The following GALNT13 variants were observed in gnomAD, a reference collection of about 807,000 sequenced individuals.
GALNT13 encodes UDP-GalNAc:polypeptide N-acetylgalactosaminyltransferase 13.
GALNT13 carries 28 observed loss-of-function variants against 64.2 expected under a neutral mutation model. The observed-to-expected ratio is 0.44, with a 90% CI of 0.32 to 0.60. The LOEUF is 0.60. GALNT13 is among the 20% of genes least tolerant of loss of function. GALNT13 has a pLI of 0.05. For missense variants in GALNT13, 577 were observed against 669.8 expected, an observed-to-expected ratio of 0.86 and a Z score of 1.53; for synonymous variants, 214 against 224.6, an observed-to-expected ratio of 0.95 and a Z score of 0.42.
chr2:153,248,264 G>A, the GALNT13 span, among the ~76,000 whole-genome samples: 1 of 152,082 alleles, frequency 6.6e-6, no homozygotes. Flanking sequence ...AACAAGAAAA[G>A]AAAATTTTAG....
chr2:154,291,640 C>A (rs115568829), intron 8 of GALNT13, among the ~76,000 whole-genome samples: 1 of 152,182 alleles, frequency 6.6e-6, no homozygotes, highest in Non-Finnish European at 1.5e-5. Context: ...GGCCGGCCCA[C>A]GGGTGCTGCG....
At chr2:154,355,079 C>T (rs1026862332) in intron 9 of GALNT13, among the ~76,000 whole-genome samples, 36 of 152,016 alleles carry the variant, frequency 2.4e-4, no homozygotes, top group African/African-American at 8.5e-4. Context: ...TACAAATGAC[C>T]TTAAGCTTTT....
At chr2:153,151,041 C>A in the GALNT13 span, among the ~76,000 whole-genome samples, 1 of 152,004 alleles carries the variant, frequency 6.6e-6, no homozygotes, top group Non-Finnish European at 1.5e-5. Context: ...GGCATTGAAT[C>A]TCTAAATTAC....
chr2:153,229,882 A>G, the GALNT13 span, among the ~76,000 whole-genome samples: 1 of 152,240 alleles, frequency 6.6e-6, no homozygotes, highest in Non-Finnish European at 1.5e-5. Flanking sequence ...GGAAGAGAGC[A>G]GAGAACATTG....
At chr2:154,262,706 A>G (rs552764003) in intron 8 of GALNT13, among the ~76,000 whole-genome samples, 7 of 152,300 alleles carry the variant, frequency 4.6e-5, no homozygotes, top group East Asian at 3.9e-4. Context: ...GATTTTGGAG[A>G]AAGAGACAGA....
chr2:153,575,679 G>C, the GALNT13 span, among the ~76,000 whole-genome samples: 1 of 152,262 alleles, frequency 6.6e-6, no homozygotes, highest in South Asian at 2.1e-4. Flanking sequence ...AGTACTGCCA[G>C]ACTACCACCA....
At chr2:153,774,858 T>G in the GALNT13 span, among the ~76,000 whole-genome samples, 2 of 152,146 alleles carry the variant, frequency 1.3e-5, no homozygotes, top group Non-Finnish European at 2.9e-5. Context: ...TGCAGTGAGC[T>G]ATCATTATGC....
the GALNT13 span, among the ~76,000 whole-genome samples, chr2:153,205,700 G>T: frequency 6.6e-6 from 1 of 151,984 alleles, no homozygotes; most frequent in Admixed American, 6.6e-5. Flanking sequence ...ACTAGGAGCT[G>T]CTTCATACAT....
intron 2 of GALNT13, among the ~76,000 whole-genome samples, chr2:153,910,999 T>C (rs1455566053): frequency 6.6e-6 from 1 of 152,216 alleles, no homozygotes; most frequent in African/African-American, 2.4e-5. Flanking sequence ...CTTGATGATC[T>C]GTCCAGTACT....
intron 10 of GALNT13, among the ~76,000 whole-genome samples, chr2:154,407,215 G>T (rs1481653510): frequency 6.6e-6 from 1 of 152,036 alleles, no homozygotes; most frequent in Non-Finnish European, 1.5e-5. Context: ...TAATCAGATT[G>T]CATACCTTAC....
chr2:153,300,305 G>A, the GALNT13 span, among the ~76,000 whole-genome samples: 7 of 152,148 alleles, frequency 4.6e-5, no homozygotes, highest in Non-Finnish European at 8.8e-5. Context: ...CCTTTAGAGG[G>A]AGTGTTTTTA....
intron 2 of GALNT13, among the ~76,000 whole-genome samples, chr2:153,929,795 G>A (rs566938364): frequency 4.6e-5 from 7 of 152,226 alleles, no homozygotes; most frequent in South Asian, 2.1e-4. Context: ...TGTGAGTAGT[G>A]CTGCAATGAA....
chr2:153,974,086 C>A (rs1265556880), intron 3 of GALNT13, among the ~76,000 whole-genome samples: 1 of 152,032 alleles, frequency 6.6e-6, no homozygotes, highest in African/African-American at 2.4e-5. Flanking sequence ...CCTTGATGTT[C>A]TTCCCCTACC....
chr2:154,254,007 A>G (rs1690230468), intron 7 of GALNT13, among the ~76,000 whole-genome samples: 1 of 152,202 alleles, frequency 6.6e-6, no homozygotes, highest in South Asian at 2.1e-4. Flanking sequence ...TTATAGAAGA[A>G]GGTGGAAGGG....
chr2:153,078,139 A>AT, the GALNT13 span, among the ~76,000 whole-genome samples: 4 of 149,256 alleles, frequency 2.7e-5, no homozygotes, highest in Middle Eastern at 3.4e-3. Context: ...TTTGGTTATT[A>AT]TTTTTTTTTA....
chr2:154,427,126 T>C (rs868311225), intron 11 of GALNT13, among the ~76,000 whole-genome samples: 37 of 152,222 alleles, frequency 2.4e-4, no homozygotes, highest in African/African-American at 8.4e-4. Context: ...AGAGCTTACA[T>C]GAATTTGGCT....
At chr2:153,741,454 C>T in the GALNT13 span, among the ~76,000 whole-genome samples, 14 of 152,126 alleles carry the variant, frequency 9.2e-5, no homozygotes, top group South Asian at 2.9e-3. Context: ...CTATCTTTGA[C>T]ACAATGGTTT....
At chr2:154,279,475 T>A (rs1372242202) in intron 8 of GALNT13, among the ~76,000 whole-genome samples, 1 of 152,168 alleles carries the variant, frequency 6.6e-6, no homozygotes, top group Non-Finnish European at 1.5e-5. Flanking sequence ...TCAGAGAAGA[T>A]AGAATTTATA....
At chr2:153,381,463 A>G in the GALNT13 span, among the ~76,000 whole-genome samples, 13 of 151,974 alleles carry the variant, frequency 8.6e-5, no homozygotes, top group Non-Finnish European at 1.5e-4. Flanking sequence ...TTAACCAGAC[A>G]GAGGGAGCAA....
Sources: gnomAD v4.1 joint callset for allele counts (sites outside exome capture counted in the v4.1 genomes callset) on GRCh38, gnomAD v4.1.1 for gene constraint, MANE v1.5 for transcripts, NCBI Gene and HGNC (gene_info 2026-07-23, HGNC 2026-07-21) for gene names.